The following CSMD1 variants were observed in gnomAD, a reference collection of about 807,000 sequenced individuals.
The protein encoded by CSMD1 is CUB and Sushi multiple domains 1, also known as CUB and sushi domain-containing protein 1.
Under a neutral mutation model 417.5 loss-of-function variants are expected in CSMD1, and 213 were observed. The observed-to-expected ratio is 0.51, with a 90% CI of 0.46 to 0.57. The LOEUF is 0.57. Among genes scored for constraint, CSMD1 ranks in the 20% least tolerant of loss-of-function variants. The pLI is 0.00. For synonymous variants in CSMD1, 2,862 were observed against 1,736.8 expected (o/e 1.65, Z -16.11); for missense variants, 6,923 against 4,529.7 (o/e 1.53, Z -15.17).
chr8:3,355,572 C>G (rs1271345731), intron 21 of CSMD1, among the ~76,000 whole-genome samples: 1 of 152,156 alleles, frequency 6.6e-6, no homozygotes, highest in East Asian at 1.9e-4. Context: ...CATAAGCGAT[C>G]TTCACATAGC....
chr8:4,190,323 CA>C (rs1430982914), intron 3 of CSMD1, among the ~76,000 whole-genome samples: 1 of 150,298 alleles, frequency 6.7e-6, no homozygotes, highest in Non-Finnish European at 1.5e-5. Flanking sequence ...TAAGCCCTAT[CA>C]CTGAAGTTAG....
intron 1 of CSMD1, among the ~76,000 whole-genome samples, chr8:4,918,658 C>G (rs534353781): frequency 6.6e-6 from 1 of 152,276 alleles, no homozygotes; most frequent in Non-Finnish European, 1.5e-5. Context: ...TTTCTTGACC[C>G]AATCTCACTA....
chr8:3,973,258 G>C (rs1180157726), intron 5 of CSMD1, among the ~76,000 whole-genome samples: 1 of 152,172 alleles, frequency 6.6e-6, no homozygotes, highest in South Asian at 2.1e-4. Flanking sequence ...TGAGAGCTAT[G>C]GCTTGGTCAT....
chr8:3,183,063 G>A (rs1442056347), intron 36 of CSMD1: 1 of 151,942 alleles, frequency 6.6e-6, no homozygotes, highest in East Asian at 1.9e-4. Flanking sequence ...CGGCCTAGAA[G>A]AGGCTTTTTA....
chr8:3,597,160 C>T (rs111331862), intron 8 of CSMD1, among the ~76,000 whole-genome samples: 19 of 152,286 alleles, frequency 1.2e-4, no homozygotes, highest in African/African-American at 4.3e-4. Context: ...CAGAGGGAAT[C>T]AATGCCCCAG....
intron 5 of CSMD1, among the ~76,000 whole-genome samples, chr8:3,912,783 C>CA (rs1291319676): frequency 2.0e-5 from 3 of 152,158 alleles, no homozygotes; most frequent in African/African-American, 7.2e-5. Flanking sequence ...CACACGAAGG[C>CA]ATGCAATGCT....
chr8:4,810,046 G>A (rs924148163), intron 1 of CSMD1, among the ~76,000 whole-genome samples: 1 of 152,160 alleles, frequency 6.6e-6, no homozygotes, highest in Non-Finnish European at 1.5e-5. Context: ...CAATATAAAT[G>A]TTATACAAAA....
intron 2 of CSMD1, among the ~76,000 whole-genome samples, chr8:4,618,063 T>C (rs1163821443): frequency 6.6e-6 from 1 of 152,202 alleles, no homozygotes; most frequent in Non-Finnish European, 1.5e-5. Flanking sequence ...GACAGGTCAC[T>C]ACCACATCAT....
At chr8:4,206,031 C>T (rs570029830) in intron 3 of CSMD1, among the ~76,000 whole-genome samples, 3 of 152,182 alleles carry the variant, frequency 2.0e-5, no homozygotes, top group South Asian at 2.1e-4. Context: ...AGTTCCTCCC[C>T]ATCCATGCCA....
chr8:4,490,600 G>C (rs557617076), intron 2 of CSMD1, among the ~76,000 whole-genome samples: 1 of 152,216 alleles, frequency 6.6e-6, no homozygotes, highest in South Asian at 2.1e-4. Context: ...ACAAACAAGA[G>C]AAAGAAACAA....
At chr8:4,471,906 T>A (rs1024043526) in intron 2 of CSMD1, among the ~76,000 whole-genome samples, 2 of 152,096 alleles carry the variant, frequency 1.3e-5, no homozygotes, top group Non-Finnish European at 2.9e-5. Flanking sequence ...CAAAGGTGTT[T>A]CCAATGATTA....
At chr8:4,718,159 T>C (rs973971902) in intron 1 of CSMD1, among the ~76,000 whole-genome samples, 2 of 152,078 alleles carry the variant, frequency 1.3e-5, no homozygotes, top group African/African-American at 4.8e-5. Context: ...ATTATTTTTG[T>C]ACAGACAGGG....
chr8:3,606,923 G>A (rs1013377626), intron 8 of CSMD1, among the ~76,000 whole-genome samples: 1 of 151,958 alleles, frequency 6.6e-6, no homozygotes, highest in African/African-American at 2.4e-5. Context: ...TGTTGGCCAG[G>A]ATGGTCTCGA....
At chr8:3,419,378 A>T (rs1474132586) in intron 12 of CSMD1, among the ~76,000 whole-genome samples, 1 of 152,258 alleles carries the variant, frequency 6.6e-6, no homozygotes, top group Non-Finnish European at 1.5e-5. Flanking sequence ...GCTGATCACC[A>T]GATGAAGCCA....
intron 23 of CSMD1, among the ~76,000 whole-genome samples, chr8:3,327,256 C>A (rs1045857077): frequency 3.0e-4 from 45 of 152,060 alleles, no homozygotes; most frequent in African/African-American, 1.1e-3. Context: ...CATTCTCCTG[C>A]CTCAGCCTCC....
At chr8:4,271,038 G>C (rs950729087) in intron 3 of CSMD1, among the ~76,000 whole-genome samples, 8 of 152,202 alleles carry the variant, frequency 5.3e-5, no homozygotes, top group Non-Finnish European at 1.2e-4. Context: ...GAGAGTTAAA[G>C]AAAGATTTCC....
At chr8:3,635,742 C>A (rs111534795) in intron 7 of CSMD1, among the ~76,000 whole-genome samples, 1 of 142,116 alleles carries the variant, frequency 7.0e-6, no homozygotes, top group Admixed American at 7.3e-5. Flanking sequence ...CTCGGCCTCC[C>A]GAAGTGCTGG....
In CSMD1 at chr8:4,233,743, T is replaced by C. The variant is rs188571703; in HGVS notation, c.415+186210A>G. Among the ~76,000 whole-genome samples, 751 of 152,292 alleles carry C rather than the reference T, an allele frequency of 4.9e-3. 5 individuals are homozygous for C. Among genetic ancestry groups the C allele is most frequent in the Non-Finnish European group, 7.7e-3 (522 of 68,028 alleles). On this transcript the variant is annotated intron_variant, in intron 3 of 69. Coordinates refer to ENST00000635120, the MANE Select transcript of CSMD1 (RefSeq NM_033225.6). The stretch of plus-strand genomic sequence containing the variant: ...CTAAGATATTAATAAAATAAAGATG[T>C]AAGATCTCTGTTGAAATGCACAAAT...
At chr8:4,239,970 T>C (rs1408494779) in intron 3 of CSMD1, among the ~76,000 whole-genome samples, 2 of 152,234 alleles carry the variant, frequency 1.3e-5, no homozygotes, top group Admixed American at 6.5e-5. Flanking sequence ...CAAACCTCTT[T>C]TACCAGTGAT....
Sources: gnomAD v4.1 joint callset for allele counts (sites outside exome capture counted in the v4.1 genomes callset) on GRCh38, gnomAD v4.1.1 for gene constraint, MANE v1.5 for transcripts, NCBI Gene and HGNC (gene_info 2026-07-23, HGNC 2026-07-21) for gene names.